The following SLFN12L variants were observed in gnomAD, a reference collection of about 807,000 sequenced individuals.
SLFN12L encodes schlafen family member 12-like.
In SLFN12L, 34 loss-of-function variants were observed where a neutral mutation model predicts 34.8. That is an observed-to-expected ratio of 0.98 (90% CI 0.74 to 1.30). The LOEUF is 1.30. SLFN12L is among the 50% of genes most tolerant of loss of function. The pLI, the probability that SLFN12L is intolerant of heterozygous loss-of-function variation, is 0.00. For missense variants in SLFN12L, 703 were observed against 696.2 expected, an observed-to-expected ratio of 1.01 and a Z score of -0.11; for synonymous variants, 259 against 247.5, an observed-to-expected ratio of 1.05 and a Z score of -0.44.
At position 35,483,070 on chromosome 17, in the gene SLFN12L, C is replaced by A. The variant is rs113585278; in HGVS notation, c.87-2875G>T. 1.2e-3 allele frequency among the ~76,000 whole-genome samples: 190 copies of A among 152,250 alleles called. 1 individual carries two copies. Among genetic ancestry groups the A allele is most frequent in the African/African-American group, 4.4e-3 (183 of 41,550 alleles). On this transcript the variant is annotated intron_variant, in intron 2 of 4. Coordinates refer to ENST00000628453, the MANE Select transcript of SLFN12L (RefSeq NM_001363830.2). ...GAGTGGAACTACCCTCTCTGCTGAG[C>A]GCTTCAGAGACCTGAAGAGACATTG... is the stretch of plus-strand genomic sequence containing the variant.
At chr17:35,519,692 T>C (rs1915942511) in intron 2 of SLFN12L, among the ~76,000 whole-genome samples, 1 of 152,196 alleles carries the variant, frequency 6.6e-6, no homozygotes, top group African/African-American at 2.4e-5. Flanking sequence ...TTCTGACTCA[T>C]ACAGTCAAGG....
At chr17:35,481,767 C>T (rs757329165) in intron 2 of SLFN12L, among the ~76,000 whole-genome samples, 8 of 152,236 alleles carry the variant, frequency 5.3e-5, no homozygotes, top group African/African-American at 4.8e-5. Context: ...CTCTCGTCTC[C>T]GCACACGAGG....
intron 1 of SLFN12L, among the ~76,000 whole-genome samples, chr17:35,532,441 C>CAA (rs11323761): frequency 8.4e-6 from 1 of 118,932 alleles, no homozygotes; most frequent in African/African-American, 3.3e-5. Context: ...GACTCCATCT[C>CAA]AAAAAAAAAA....
rs747226237 is a variant in SLFN12L at position 35,478,175 on chromosome 17, T to C, written c.1176A>G (p.Glu392=). 4 of 1,533,618 alleles carry C rather than the reference T, an allele frequency of 2.6e-6. No individual in the cohort carries two copies. Among genetic ancestry groups the C allele is most frequent in the Non-Finnish European group, 3.5e-6 (4 of 1,132,108 alleles). The change falls in exon 4 of 5, where the codon GAA becomes GAG. Residue 392 remains glutamate (E), a synonymous_variant. Transcript: ENST00000628453. ...FMVDSEPVCE[E]LPSPASTSSP... is the part of the protein sequence containing the mutation. Reference sequence around the variant, plus strand: ...ATGATGTACTTGCTGGAGAGGGCAGTTCCTCACATACTATGGAATAATGTT... The same window carrying C: ...ATGATGTACTTGCTGGAGAGGGCAGCTCCTCACATACTATGGAATAATGTT...
In SLFN12L at chr17:35,475,333, A is replaced by C. The variant is rs753786828; in HGVS notation, c.1429T>G (p.Leu477Val). The C allele has an allele frequency of 1.2e-6, 2 of 1,614,216 alleles. No individual in the cohort carries two copies. Among genetic ancestry groups the C allele is most frequent in the Non-Finnish European group, 1.7e-6 (2 of 1,180,040 alleles). ...FSRSWSLDLG[L>V]QENHKVLCDA... ...CAGAGGACTTTGTGGTTCTCTTGCA[A>C]GCCCAGATCCAAAGACCAGCTCCTA... Residue 477 changes from leucine to valine, a missense_variant, in exon 5 of 5, where the codon TTG (leucine) becomes GTG (valine). Leu to Val is a conservative substitution (Grantham distance 32, BLOSUM62 1). Transcript: ENST00000628453.
intron 1 of SLFN12L, among the ~76,000 whole-genome samples, chr17:35,526,176 T>G (rs1229004527): frequency 1.3e-5 from 2 of 151,972 alleles, no homozygotes; most frequent in Non-Finnish European, 2.9e-5. Flanking sequence ...AATATATATG[T>G]ACCCAATACA....
chr17:35,479,441 C>T lies in SLFN12L; in HGVS notation c.841G>A (p.Val281Ile), dbSNP rs1464374674. The T allele has an allele frequency of 6.2e-6, 10 of 1,614,120 alleles. No individual in the cohort carries two copies. Among genetic ancestry groups the T allele is most frequent in the East Asian group, 2.2e-5 (1 of 44,884 alleles). ...FANTDGGYLF[V>I]GLNEDKEVIG... ...ACTTCTTTATCTTCATTTAGACCAA[C>T]GAATAAATATCCTCCATCAGTATTT... The change falls in exon 3 of 5, where the codon GTT becomes ATT. Residue 281 changes from valine (V) to isoleucine (I), a missense_variant. Physicochemically the swap from Val to Ile is conservative, Grantham distance 29. Transcript: ENST00000628453.
In SLFN12L at chr17:35,478,142, G is replaced by A. The variant is rs1433328559; in HGVS notation, c.1209C>T (p.Val403=). ...LPSPASTSSP[V]SQSYPLREYI... The stretch of plus-strand genomic sequence containing the variant: ...ATTCACGAAGAGGATAACTCTGGGA[G>A]ACAGGTGATGATGTACTTGCTGGAG... The change falls in exon 4 of 5, where the codon GTC becomes GTT. Residue 403 remains valine, a synonymous_variant. Coordinates refer to ENST00000628453, the MANE Select transcript of SLFN12L (RefSeq NM_001363830.2). 1 of 1,545,614 alleles carries A rather than the reference G, an allele frequency of 6.5e-7. No individual in the cohort carries two copies. The highest frequency in any genetic ancestry group is 2.4e-5 in the East Asian group (1 of 40,832).
chr17:35,478,324 T>C lies in SLFN12L; in HGVS notation c.1166-139A>G, dbSNP rs547382873. On this transcript the variant is annotated intron_variant, in intron 3 of 4. Coordinates refer to ENST00000628453, the MANE Select transcript of SLFN12L (RefSeq NM_001363830.2). ...CAATACAGAACATTAGATATTGTGG[T>C]TACATATTGTGGTTAGATTCCTAGG... is the stretch of plus-strand genomic sequence containing the variant. 3.6e-5 allele frequency: 20 copies of C among 558,678 alleles called. 1 individual carries two copies. The South Asian group carries it at 4.2e-4, about 12-fold the overall frequency. The allele number at this position is 558,678 out of a possible 1,614,324, so 34.6% of individuals were successfully genotyped here. A position where few individuals can be genotyped will look rare whatever the true frequency, so the allele number is the denominator to read the frequency against.
chr17:35,526,990 G>T (rs1479254210), intron 1 of SLFN12L, among the ~76,000 whole-genome samples: 1 of 150,674 alleles, frequency 6.6e-6, no homozygotes, highest in Non-Finnish European at 1.5e-5. Context: ...AAAGAGAGAA[G>T]AATCAAATAG....
In SLFN12L at chr17:35,522,316, A is replaced by T; in HGVS notation, c.49T>A (p.Tyr17Asn). Residue 17 changes from tyrosine (Y) to asparagine (N), a missense_variant, in exon 2 of 5, where the codon TAC becomes AAC. Physicochemically the swap from Tyr to Asn is moderately radical, Grantham distance 143. Coordinates refer to ENST00000628453, the MANE Select transcript of SLFN12L (RefSeq NM_001363830.2). ...VFHCEAHRIL[Y>N]ICESQFLRNF... ...CTCAGAAACTGACTTTCACAAATGT[A>T]GAGAATTCTGTGTGCCTCACAGTGA... 3.7e-6 allele frequency: 6 copies of T among 1,614,216 alleles called. No individual in the cohort carries two copies. Among genetic ancestry groups the T allele is most frequent in the Non-Finnish European group, 5.1e-6 (6 of 1,180,030 alleles).
intron 2 of SLFN12L, among the ~76,000 whole-genome samples, chr17:35,485,900 G>A (rs1033171560): frequency 2.0e-5 from 3 of 152,176 alleles, no homozygotes; most frequent in African/African-American, 7.2e-5. Flanking sequence ...CTGTAGCCTT[G>A]AAGTATAGCT....
chr17:35,525,802 A>C (rs1001983718), intron 1 of SLFN12L, among the ~76,000 whole-genome samples: 1 of 152,168 alleles, frequency 6.6e-6, no homozygotes, highest in African/African-American at 2.4e-5. Context: ...ACCATCAACT[A>C]TGGGCAAAAT....
chr17:35,496,250 GA>G (rs1240869043), intron 2 of SLFN12L, among the ~76,000 whole-genome samples: 2 of 151,892 alleles, frequency 1.3e-5, no homozygotes, highest in African/African-American at 4.8e-5. Flanking sequence ...TTGGGAGGCC[GA>G]AATGGGCGAA....
At chr17:35,487,686 A>G (rs1373928117) in intron 2 of SLFN12L, 5 of 1,521,590 alleles carry the variant, frequency 3.3e-6, no homozygotes, top group Non-Finnish European at 4.4e-6. Context: ...TGTATTTTCT[A>G]AGGCGAAAAA....
rs958821376 is a variant in SLFN12L, at chr17:35,522,817, A to G, written c.-453T>C. On this transcript the variant is annotated 5_prime_UTR_variant, in exon 2 of 5. Transcript: ENST00000628453. ...CAGATGACTCCTGGCTTCTCCTGCA[A>G]ATTCAGGTCCACAGCCTAGCTTCTA... 1 of 1,416,594 alleles carries G rather than the reference A, an allele frequency of 7.1e-7. No individual in the cohort carries two copies. The highest frequency in any genetic ancestry group is 1.4e-5 in the African/African-American group (1 of 70,766). The allele number at this position is 1,416,594 out of a possible 1,614,324, so 87.8% of individuals were successfully genotyped here.
At chr17:35,509,022 A>G (rs988539512) in intron 2 of SLFN12L, among the ~76,000 whole-genome samples, 2 of 152,224 alleles carry the variant, frequency 1.3e-5, no homozygotes, top group African/African-American at 4.8e-5. Context: ...TGAAGACTCA[A>G]AAGTGAGGAA....
chr17:35,492,992 A>G (rs550814341), intron 2 of SLFN12L, among the ~76,000 whole-genome samples: 1 of 151,334 alleles, frequency 6.6e-6, no homozygotes, highest in South Asian at 2.1e-4. Context: ...CAAGCAAAAA[A>G]CCACAAGAGC....
intron 1 of SLFN12L, among the ~76,000 whole-genome samples, chr17:35,531,024 A>G (rs1053978756): frequency 3.3e-5 from 5 of 152,202 alleles, no homozygotes; most frequent in African/African-American, 1.2e-4. Context: ...CCAAATGCCT[A>G]TATTGGTTAA....
Sources: gnomAD v4.1 joint callset for allele counts (sites outside exome capture counted in the v4.1 genomes callset) on GRCh38, gnomAD v4.1.1 for gene constraint, MANE v1.5 for transcripts, NCBI Gene and HGNC (gene_info 2026-07-23, HGNC 2026-07-21) for gene names.